The following TXNDC16 variants were observed in gnomAD, a reference collection of about 807,000 sequenced individuals.
TXNDC16 encodes the protein thioredoxin domain-containing protein 16.
A neutral mutation model predicts 85.6 loss-of-function variants in TXNDC16; 74 were observed. The ratio of observed to expected loss-of-function variants is 0.86; its 90% CI spans 0.72 to 1.05. The LOEUF is 1.05. Among genes scored for constraint, TXNDC16 ranks in the 50% least tolerant of loss-of-function variants. The probability of loss-of-function intolerance (pLI) is 0.00; values close to 1 mark genes in which losing one functional copy is unlikely to be tolerated. For missense variants in TXNDC16, 959 were observed against 947.0 expected (o/e 1.01, Z -0.17); for synonymous variants, 335 against 326.5 (o/e 1.03, Z -0.28).
chr14:52,509,266 A>G (rs1292123255), intron 9 of TXNDC16, among the ~76,000 whole-genome samples: 3 of 152,132 alleles, frequency 2.0e-5, no homozygotes, highest in Non-Finnish European at 2.9e-5. Flanking sequence ...AAAGCTAGGT[A>G]TGAGTCCTAA....
intron 9 of TXNDC16, among the ~76,000 whole-genome samples, chr14:52,505,523 CAA>C: frequency 6.6e-6 from 1 of 152,252 alleles, no homozygotes; most frequent in Middle Eastern, 3.4e-3. Flanking sequence ...CCAATGAGAA[CAA>C]AGACATGACA....
chr14:52,502,640 A>G (rs903203687), intron 9 of TXNDC16, among the ~76,000 whole-genome samples: 1 of 152,228 alleles, frequency 6.6e-6, no homozygotes, highest in Non-Finnish European at 1.5e-5. Flanking sequence ...TACAGCTCCC[A>G]GAGTGAGCGA....
rs79470966 is a variant in TXNDC16, at chr14:52,456,166, T to C, written c.1704-704A>G. On this transcript the variant is annotated intron_variant, in intron 17 of 20. Coordinates refer to ENST00000281741, the MANE Select transcript of TXNDC16 (RefSeq NM_020784.3). ...ACTTAATTCATGCCAGAACAAAGTA[T>C]AGACATTATAACAACATAAGCATTA... Among the ~76,000 whole-genome samples the C allele has an allele frequency of 4.8e-3, 727 of 152,338 alleles. 11 individuals carry two copies. The highest frequency in any genetic ancestry group is 0.017 in the African/African-American group (697 of 41,584).
chr14:52,458,723 A>G (rs545355917), intron 16 of TXNDC16, among the ~76,000 whole-genome samples: 12 of 152,256 alleles, frequency 7.9e-5, no homozygotes, highest in Non-Finnish European at 1.6e-4. Flanking sequence ...GATAAACTAT[A>G]TCTAAAGCAA....
chr14:52,503,241 G>A lies in TXNDC16; in HGVS notation c.756+7999C>T, dbSNP rs551588615. ...TTTGAAGAGAGCAGTGGTTCTCCCA[G>A]CACGCAGCTTGAGATCTGAGAACAG... On this transcript the variant is annotated intron_variant, in intron 9 of 20. Coordinates refer to ENST00000281741, the MANE Select transcript of TXNDC16 (RefSeq NM_020784.3). Among the ~76,000 whole-genome samples, 4 of 152,320 alleles carry A rather than the reference G, an allele frequency of 2.6e-5. No homozygotes were observed. In the South Asian group the frequency reaches 8.3e-4, roughly 32 times the overall value.
At chr14:52,454,436 A>C (rs557722235) in intron 18 of TXNDC16, among the ~76,000 whole-genome samples, 133 of 151,824 alleles carry the variant, frequency 8.8e-4, no homozygotes, top group African/African-American at 2.7e-3. Context: ...AAAAAAAAAA[A>C]AAAAACAAAA....
chr14:52,434,806 A>G (rs115653281), intron 20 of TXNDC16, among the ~76,000 whole-genome samples: 3,272 of 152,314 alleles, frequency 0.021, 101 homozygotes, highest in African/African-American at 0.074. Flanking sequence ...GAGACTGTTC[A>G]GTTTTCTTTT....
At chr14:52,489,410 T>C (rs933567401) in intron 11 of TXNDC16, among the ~76,000 whole-genome samples, 1 of 152,318 alleles carries the variant, frequency 6.6e-6, no homozygotes, top group South Asian at 2.1e-4. Flanking sequence ...CAAAGTGTTC[T>C]TGACTGTAAC....
intron 8 of TXNDC16, among the ~76,000 whole-genome samples, chr14:52,512,504 T>C (rs1159818568): frequency 6.6e-6 from 1 of 152,162 alleles, no homozygotes; most frequent in Non-Finnish European, 1.5e-5. Context: ...ATATAACTTG[T>C]TGAGGAGATT....
chr14:52,433,815 A>G (rs1034176872), intron 20 of TXNDC16, among the ~76,000 whole-genome samples: 24 of 152,350 alleles, frequency 1.6e-4, no homozygotes, highest in Admixed American at 1.1e-3. Context: ...TTTCTTGAAC[A>G]TAATGAACAG....
intron 18 of TXNDC16, among the ~76,000 whole-genome samples, chr14:52,452,590 A>G (rs2035437738): frequency 6.6e-6 from 1 of 152,168 alleles, no homozygotes; most frequent in Non-Finnish European, 1.5e-5. Flanking sequence ...GGAAAGAATA[A>G]TTTCTTCAAT....
chr14:52,456,930 G>A (rs1316576636), intron 17 of TXNDC16, among the ~76,000 whole-genome samples, 160 bp downstream of exon 17: 1 of 152,014 alleles, frequency 6.6e-6, no homozygotes, highest in African/African-American at 2.4e-5. Flanking sequence ...AGAATCTAAA[G>A]TATTTCCCAG....
At position 52,430,886 on chromosome 14, in the gene TXNDC16, T is replaced by C. The variant is rs536061579; in HGVS notation, c.*1418A>G. ...GGTGCTGAGAGTAGCAACGGGTCTA[T>C]GTTATAAGGAAATATATGCACTTAC... is the stretch of plus-strand genomic sequence containing the variant. On this transcript the variant is annotated 3_prime_UTR_variant, in exon 21 of 21. Transcript: ENST00000281741. The C allele has an allele frequency of 6.6e-6, 1 of 152,220 alleles. No homozygotes were observed. The allele number at this position is 152,220 out of a possible 1,614,324, so 9.4% of individuals were successfully genotyped here.
chr14:52,538,728 T>C (rs558295250), intron 4 of TXNDC16, among the ~76,000 whole-genome samples: 3 of 152,274 alleles, frequency 2.0e-5, no homozygotes, highest in South Asian at 2.1e-4. Flanking sequence ...GCTAGAAGAA[T>C]AGTTATTTTG....
chr14:52,474,989 C>T (rs1235937874), intron 14 of TXNDC16, among the ~76,000 whole-genome samples: 1 of 152,158 alleles, frequency 6.6e-6, no homozygotes, highest in Non-Finnish European at 1.5e-5. Context: ...ACTGTGAGTG[C>T]TCAAACTGTG....
intron 6 of TXNDC16, among the ~76,000 whole-genome samples, chr14:52,525,904 C>T (rs1438047600): frequency 6.6e-6 from 1 of 151,890 alleles, no homozygotes; most frequent in Non-Finnish European, 1.5e-5. Context: ...ACACATCTTC[C>T]TGTATACTTT....
rs562225038 is a variant in TXNDC16, at chr14:52,511,111, G to A, written c.756+129C>T. 59 of 708,816 alleles carry A rather than the reference G, an allele frequency of 8.3e-5. No individual in the cohort carries two copies. In the African/African-American group the frequency reaches 1.0e-3, roughly 12 times the overall value. 43.9% of individuals were successfully genotyped at this position (708,816 alleles called of 1,614,324 possible). A position where few individuals can be genotyped will look rare whatever the true frequency, so the allele number is the denominator to read the frequency against. On this transcript the variant is annotated intron_variant, in intron 9 of 20. Coordinates refer to ENST00000281741, the MANE Select transcript of TXNDC16 (RefSeq NM_020784.3). ...TGAAAAAAAGGGAAAAGCTATAACT[G>A]TCATTCATCTAGTAAAACATGCATC...
intron 12 of TXNDC16, 71 bp from the exon 13 acceptor site, chr14:52,483,036 G>A: frequency 7.8e-7 from 1 of 1,277,388 alleles, no homozygotes; most frequent in South Asian, 1.5e-5. Flanking sequence ...CTTCTCATAG[G>A]AAGCATATAA....
intron 5 of TXNDC16, among the ~76,000 whole-genome samples, chr14:52,537,059 C>G (rs982497252): frequency 6.0e-5 from 8 of 132,244 alleles, no homozygotes; most frequent in Non-Finnish European, 1.2e-4. Flanking sequence ...ACCAGTCTCC[C>G]CAACTCACAA....
Sources: gnomAD v4.1 joint callset for allele counts (sites outside exome capture counted in the v4.1 genomes callset) on GRCh38, gnomAD v4.1.1 for gene constraint, MANE v1.5 for transcripts, NCBI Gene and HGNC (gene_info 2026-07-23, HGNC 2026-07-21) for gene names.